PCBP4: variants seen among roughly 807,000 people sequenced by gnomAD.
The protein encoded by PCBP4 is poly(rC)-binding protein 4.
In PCBP4, 24 loss-of-function variants were observed where a neutral mutation model predicts 46.2. The ratio of observed to expected loss-of-function variants is 0.52; its 90% CI spans 0.38 to 0.73. The LOEUF is 0.73. Among genes scored for constraint, PCBP4 ranks in the 30% least tolerant of loss-of-function variants. PCBP4 has a pLI of 0.00. For synonymous variants in PCBP4, 203 were observed against 224.4 expected, an observed-to-expected ratio of 0.90 and a Z score of 0.85; for missense variants, 407 against 537.0, an observed-to-expected ratio of 0.76 and a Z score of 2.39.
Position 51,957,921 on chromosome 3 carries a change from G to A in PCBP4, c.*140C>T. On this transcript the variant is annotated 3_prime_UTR_variant, in exon 14 of 14. Transcript: ENST00000461554. ...GAGAGAAAGAACTCCCATAGATGGA[G>A]GCAGGGTAGGGGGTGCATCCATGCG... The A allele has an allele frequency of 2.7e-6, 2 of 745,906 alleles. No individual in the cohort carries two copies. The highest frequency in any genetic ancestry group is 4.3e-6 in the Non-Finnish European group (2 of 468,420). 46.2% of individuals were successfully genotyped at this position (745,906 alleles called of 1,614,324 possible). A position where few individuals can be genotyped will look rare whatever the true frequency, so the allele number is the denominator to read the frequency against.
In PCBP4 at chr3:51,958,995, C is replaced by T. The variant is rs1426619459; in HGVS notation, c.754-36G>A. 3 of 1,613,034 alleles carry T rather than the reference C, an allele frequency of 1.9e-6. No homozygotes were observed. In the African/African-American group the frequency reaches 4.0e-5, roughly 22 times the overall value. ...GGCAGAATTCAGCCCTGGGTGAGGT[C>T]CAGACCCCCAGACCCCCTACCCACC... On this transcript the variant is annotated intron_variant, in intron 12 of 13. Coordinates refer to ENST00000461554, the MANE Select transcript of PCBP4 (RefSeq NM_001174100.2). This position sits in a 1 kb window ranked among gnomAD's most constrained non-coding sequence, Gnocchi z 5.4.
chr3:51,961,016 G>C lies in PCBP4; in HGVS notation c.99C>G (p.Ile33Met). The C allele has an allele frequency of 6.2e-7, 1 of 1,614,216 alleles. No individual in the cohort carries two copies. Among genetic ancestry groups the C allele is most frequent in the Non-Finnish European group, 8.5e-7 (1 of 1,180,036 alleles). Residue 33 changes from isoleucine to methionine, a missense_variant, in exon 4 of 14, where the codon ATC becomes ATG. Physicochemically the swap from Ile to Met is conservative, Grantham distance 10. Transcript: ENST00000461554. The part of the protein sequence containing the change: ...LMHGKEVGSI[I>M]GKKGETVKRI... ...AGCAGAGCTAGGCACCTACCTTCCCGATGATGCTGCCCACTTCCTGCGGAC... is the reference window on the plus strand; with the variant it reads ...AGCAGAGCTAGGCACCTACCTTCCCCATGATGCTGCCCACTTCCTGCGGAC...
In PCBP4 at chr3:51,961,202, C is replaced by T; in HGVS notation, c.39G>A (p.Glu13=). The T allele has an allele frequency of 6.2e-7, 1 of 1,613,322 alleles. No homozygotes were observed. The highest frequency in any genetic ancestry group is 8.5e-7 in the Non-Finnish European group (1 of 1,180,008). ...GSDGGLEEEP[E]LSITLTLRML... ...TCCGCAGCGTGAGGGTGATGCTGAG[C>T]TCTGGCTCCTCCTCCAGTCCCCCGT... Residue 13 remains glutamate (E), a synonymous_variant, in exon 3 of 14, where the codon GAG becomes GAA. Transcript: ENST00000461554.
chr3:51,963,899 C>A (rs974640967), intron 1 of PCBP4, among the ~76,000 whole-genome samples: 17 of 152,246 alleles, frequency 1.1e-4, no homozygotes, highest in Non-Finnish European at 1.5e-5. Context: ...CCCCATGAGG[C>A]ATCACTGGCT....
At chr3:51,961,858 T>G (rs1700195782) in intron 2 of PCBP4, 83 bp downstream of exon 2, 1 of 581,534 alleles carries the variant, frequency 1.7e-6, no homozygotes, top group African/African-American at 2.0e-5. Context: ...CAGGGAGGCC[T>G]CGGGTGTGGT....
Position 51,958,710 on chromosome 3 carries a change from C to T in PCBP4, c.923+80G>A. On this transcript the variant is annotated intron_variant, in intron 13 of 13. Coordinates refer to ENST00000461554, the MANE Select transcript of PCBP4 (RefSeq NM_001174100.2). This position sits in a 1 kb window ranked among gnomAD's most constrained non-coding sequence, Gnocchi z 5.4. ...GGCCCAGACAGAGAGAGGAGGCCAG[C>T]TTCCTCTCCCCACCCCTGCCTTTCT... 1 of 1,498,020 alleles carries T rather than the reference C, an allele frequency of 6.7e-7. No homozygotes were observed. The highest frequency in any genetic ancestry group is 2.3e-5 in the East Asian group (1 of 43,692). 92.8% of individuals were successfully genotyped at this position (1,498,020 alleles called of 1,614,324 possible). A position where few individuals can be genotyped will look rare whatever the true frequency, so the allele number is the denominator to read the frequency against.
chr3:51,959,264 T>C lies in PCBP4; in HGVS notation c.665A>G (p.His222Arg). Residue 222 changes from histidine (H) to arginine (R), a missense_variant, in exon 11 of 14, where the codon CAT (histidine) becomes CGT (arginine). His to Arg is a conservative substitution (Grantham distance 29, BLOSUM62 0). Transcript: ENST00000461554. The surrounding 1 kb of genome is among the most constrained non-coding windows in gnomAD (Gnocchi z 5.6). ...GCTGGGTGTGGCAAAGGGGACCGCA[T>C]GGCTTGAGAGCTGCTGGAGCTTGGT... ...EVTKLQQLSS[H>R]AVPFATPSVV... is the part of the protein sequence containing the mutation. 6.2e-7 allele frequency: 1 copy of C among 1,613,986 alleles called. No individual in the cohort carries two copies. Among genetic ancestry groups the C allele is most frequent in the South Asian group, 1.1e-5 (1 of 91,076 alleles).
Position 51,957,932 on chromosome 3 carries a change from G to C in PCBP4, c.*129C>G, listed in dbSNP as rs1559753633. On this transcript the variant is annotated 3_prime_UTR_variant, in exon 14 of 14. Transcript: ENST00000461554. ...CTCCCATAGATGGAGGCAGGGTAGG[G>C]GGTGCATCCATGCGTCTGGGCGTTA... is the stretch of plus-strand genomic sequence containing the variant. 1 of 810,950 alleles carries C rather than the reference G, an allele frequency of 1.2e-6. No homozygotes were observed. Among genetic ancestry groups the C allele is most frequent in the South Asian group, 1.9e-5 (1 of 53,762 alleles). The allele number at this position is 810,950 out of a possible 1,614,324, so 50.2% of individuals were successfully genotyped here.
intron 1 of PCBP4, among the ~76,000 whole-genome samples, chr3:51,966,081 T>C (rs1176955155): frequency 6.6e-6 from 1 of 152,244 alleles, no homozygotes; most frequent in Non-Finnish European, 1.5e-5. Context: ...CCCAGGGGTC[T>C]ACCTGTGCAG....
rs1468610757 is a variant in PCBP4, at chr3:51,959,038, CCTG to C, written c.753+6_753+8del. 1.2e-6 allele frequency: 2 copies of C among 1,613,832 alleles called. No homozygotes were observed. The highest frequency in any genetic ancestry group is 2.2e-5 in the South Asian group (2 of 91,040). On this transcript the variant is annotated splice_donor_region_variant and intron_variant, in intron 12 of 13. Transcript: ENST00000461554. The surrounding 1 kb of genome is among the most constrained non-coding windows in gnomAD (Gnocchi z 5.6). ...TACCCACCCTCCAGCCATCCCATCCCCTGCTCACATCGTTGGGAACCAAGAACT... is the reference window on the plus strand; with the variant it reads ...TACCCACCCTCCAGCCATCCCATCCCCTCACATCGTTGGGAACCAAGAACT...
Position 51,960,697 on chromosome 3 carries a change from G to A in PCBP4, c.139-55C>T, listed in dbSNP as rs377226172. ...GGGGCATCTTCCCTGCTCCCTTGCC[G>A]GAACTTGTCTGCCTGCCCCACTCAC... On this transcript the variant is annotated intron_variant, in intron 5 of 13. Transcript: ENST00000461554. The surrounding 1 kb of genome is among the most constrained non-coding windows in gnomAD (Gnocchi z 5.0). 1.6e-5 allele frequency: 25 copies of A among 1,521,266 alleles called. No individual in the cohort carries two copies. The highest frequency in any genetic ancestry group is 1.5e-4 in the African/African-American group (11 of 72,938). The allele number at this position is 1,521,266 out of a possible 1,614,324, so 94.2% of individuals were successfully genotyped here.
Position 51,960,805 on chromosome 3 carries a change from G to A in PCBP4, c.138+61C>T. On this transcript the variant is annotated intron_variant, in intron 5 of 13. Coordinates refer to ENST00000461554, the MANE Select transcript of PCBP4 (RefSeq NM_001174100.2). This position sits in a 1 kb window ranked among gnomAD's most constrained non-coding sequence, Gnocchi z 5.0. ...GAAGGAGTGGTTCAGAGAGAAAGTG[G>A]GGCAGGGATCTCCCCTCCACATCAG... The A allele has an allele frequency of 4.4e-6, 7 of 1,576,786 alleles. No homozygotes were observed.
In PCBP4 at chr3:51,958,422, G is replaced by A; in HGVS notation, c.924-73C>T. The stretch of plus-strand genomic sequence containing the variant: ...GAGAGGGGCAATGAGGGCAGAGATG[G>A]GCATGAGATTAGATGAAAGGCAAGA... On this transcript the variant is annotated intron_variant, in intron 13 of 13. Coordinates refer to ENST00000461554, the MANE Select transcript of PCBP4 (RefSeq NM_001174100.2). This position sits in a 1 kb window ranked among gnomAD's most constrained non-coding sequence, Gnocchi z 5.4. 2 of 1,048,012 alleles carry A rather than the reference G, an allele frequency of 1.9e-6. No homozygotes were observed. Among genetic ancestry groups the A allele is most frequent in the Non-Finnish European group, 1.3e-6 (1 of 751,302 alleles). 64.9% of individuals were successfully genotyped at this position (1,048,012 alleles called of 1,614,324 possible). A position where few individuals can be genotyped will look rare whatever the true frequency, so the allele number is the denominator to read the frequency against.
chr3:51,964,514 C>T (rs1700324742), intron 1 of PCBP4, among the ~76,000 whole-genome samples: 1 of 152,174 alleles, frequency 6.6e-6, no homozygotes, highest in Non-Finnish European at 1.5e-5. Context: ...ATCTCACATC[C>T]CCCCACATCC....
At chr3:51,966,742 C>T (rs1700449248) in intron 1 of PCBP4, among the ~76,000 whole-genome samples, 1 of 151,982 alleles carries the variant, frequency 6.6e-6, no homozygotes. Flanking sequence ...GAGGCGGGCA[C>T]CTCCCTCTCC....
chr3:51,960,091 G>A lies in PCBP4; in HGVS notation c.388-68C>T. ...CCCAGAAAAGGGCTGCCCAGGCTCA[G>A]AGCTCTCTAGGTGGGGAGGACGCCA... is the stretch of plus-strand genomic sequence containing the variant. On this transcript the variant is annotated intron_variant, in intron 7 of 13. Coordinates refer to ENST00000461554, the MANE Select transcript of PCBP4 (RefSeq NM_001174100.2). This position sits in a 1 kb window ranked among gnomAD's most constrained non-coding sequence, Gnocchi z 5.0. 1 of 1,614,176 alleles carries A rather than the reference G, an allele frequency of 6.2e-7. No homozygotes were observed.
rs780159444 is a variant in PCBP4, at chr3:51,961,005, C to T, written c.105+5G>A. ...GGGATGTACAGAGCAGAGCTAGGCA[C>T]CTACCTTCCCGATGATGCTGCCCAC... On this transcript the variant is annotated splice_donor_5th_base_variant and intron_variant, in intron 4 of 13. Transcript: ENST00000461554. 6.2e-7 allele frequency: 1 copy of T among 1,614,240 alleles called. No individual in the cohort carries two copies. The highest frequency in any genetic ancestry group is 8.5e-7 in the Non-Finnish European group (1 of 1,180,034).
rs751246995 is a variant in PCBP4 at position 51,959,392 on chromosome 3, T to C, written c.611A>G (p.Gln204Arg). The C allele has an allele frequency of 1.2e-6, 2 of 1,611,286 alleles. No homozygotes were observed. Among genetic ancestry groups the C allele is most frequent in the African/African-American group, 2.7e-5 (2 of 74,898 alleles). ...SANQGFSVQGQYGAVTPAEVT... is the reference protein window; with the variant it reads ...SANQGFSVQGRYGAVTPAEVT... ...CTCAGCTGGGGTCACAGCCCCATACTGACCCTGGACAGAGAAGCCCTGTGG... is the reference window on the plus strand; with the variant it reads ...CTCAGCTGGGGTCACAGCCCCATACCGACCCTGGACAGAGAAGCCCTGTGG... Residue 204 changes from glutamine (Q) to arginine (R), a missense_variant, in exon 10 of 14, where the codon CAG (glutamine) becomes CGG (arginine). By Grantham distance (43) the Gln-to-Arg change is conservative. Coordinates refer to ENST00000461554, the MANE Select transcript of PCBP4 (RefSeq NM_001174100.2). This position sits in a 1 kb window ranked among gnomAD's most constrained non-coding sequence, Gnocchi z 5.6.
intron 1 of PCBP4, among the ~76,000 whole-genome samples, chr3:51,964,471 A>G (rs1316338529): frequency 6.6e-6 from 1 of 152,116 alleles, no homozygotes; most frequent in Non-Finnish European, 1.5e-5. Flanking sequence ...TGGACCAGCT[A>G]GGGCCTGTGG....
Sources: gnomAD v4.1 joint callset for allele counts (sites outside exome capture counted in the v4.1 genomes callset) on GRCh38, gnomAD v4.1.1 for gene constraint, Gnocchi (gnomAD v3.1) non-coding constraint, MANE v1.5 for transcripts, NCBI Gene and HGNC (gene_info 2026-07-23, HGNC 2026-07-21) for gene names.